Variants in PTPDC1 observed in about 807,000 individuals in gnomAD.
PTPDC1 encodes protein tyrosine phosphatase domain-containing protein 1.
PTPDC1 carries 53 observed loss-of-function variants against 75.3 expected under a neutral mutation model. That is an observed-to-expected ratio of 0.70 (90% CI 0.56 to 0.88). The LOEUF is 0.88. Ranked by LOEUF, PTPDC1 falls within the 40% of genes least tolerant of loss-of-function variation. The pLI is 0.00. For synonymous variants in PTPDC1, 349 were observed against 366.2 expected (o/e 0.95, Z 0.54); for missense variants, 925 against 998.6 (o/e 0.93, Z 0.99).
At chr9:94,045,363 A>T (rs1330633398) in intron 1 of PTPDC1, among the ~76,000 whole-genome samples, 1 of 152,104 alleles carries the variant, frequency 6.6e-6, no homozygotes, top group Admixed American at 6.5e-5. Context: ...ATACCCAGTA[A>T]TGGGATGGCT....
chr9:94,097,804 G>A lies in PTPDC1; in HGVS notation c.1238G>A (p.Arg413Gln), dbSNP rs756453825. ...GCAGTGGCAGCAGATTTTGACAATC[G>A]AGGCATGATTTTCTCCAATGAGCAA... ...PTAVAADFDN[R>Q]GMIFSNEQQF... The change falls in exon 6 of 9, where the codon CGA (arginine) becomes CAA (glutamine). Residue 413 changes from arginine to glutamine, a missense_variant. Coordinates refer to ENST00000620992, the MANE Select transcript of PTPDC1 (RefSeq NM_001253829.2). 1.1e-5 allele frequency: 18 copies of A among 1,614,032 alleles called. No individual in the cohort carries two copies. The highest frequency in any genetic ancestry group is 1.6e-4 in the Middle Eastern group (1 of 6,084).
At chr9:94,045,713 T>C (rs1360513082) in intron 1 of PTPDC1, among the ~76,000 whole-genome samples, 1 of 152,246 alleles carries the variant, frequency 6.6e-6, no homozygotes, top group Non-Finnish European at 1.5e-5. Context: ...CTTATAAATT[T>C]GTTTGAGTTC....
intron 2 of PTPDC1, among the ~76,000 whole-genome samples, chr9:94,070,245 C>T (rs1034829730): frequency 5.9e-5 from 9 of 152,156 alleles, no homozygotes; most frequent in African/African-American, 1.9e-4. Context: ...CTCAGCCGTA[C>T]TTTTCCTAAC....
chr9:94,061,053 T>C lies in PTPDC1; in HGVS notation c.-6-3681T>C, dbSNP rs560536062. On this transcript the variant is annotated intron_variant, in intron 1 of 9. Transcript: ENST00000375360. ...AGACAAGGCTAGTACCTTCCACCTG[T>C]GAGCCTGTAAAATCAAAACCAGATT... 7.9e-5 allele frequency among the ~76,000 whole-genome samples: 12 copies of C among 152,316 alleles called. No individual in the cohort carries two copies. In the South Asian group the frequency reaches 2.5e-3, roughly 32 times the overall value.
At chr9:94,070,806 C>A (rs1464476205) in intron 2 of PTPDC1, among the ~76,000 whole-genome samples, 2 of 152,134 alleles carry the variant, frequency 1.3e-5, no homozygotes, top group Non-Finnish European at 2.9e-5. Flanking sequence ...CAGCCTAATT[C>A]CTTTGAGTTT....
intron 8 of PTPDC1, among the ~76,000 whole-genome samples, 192 bp from the exon 9 acceptor site, chr9:94,107,636 A>G (rs1347262515): frequency 6.6e-6 from 1 of 152,232 alleles, no homozygotes; most frequent in African/African-American, 2.4e-5. Context: ...GTTTTCATTC[A>G]TAAGTTTGAT....
chr9:94,037,611 A>G (rs1825311963), intron 1 of PTPDC1, among the ~76,000 whole-genome samples: 1 of 152,020 alleles, frequency 6.6e-6, no homozygotes, highest in Admixed American at 6.6e-5. Flanking sequence ...TTTTTTCTAG[A>G]ACAGGGACCA....
upstream of PTPDC1, among the ~76,000 whole-genome samples, chr9:94,082,657 C>T (rs1826923414): frequency 6.6e-6 from 1 of 152,168 alleles, no homozygotes; most frequent in Admixed American, 6.5e-5. Flanking sequence ...TTGTTGGGAA[C>T]ACTGAGCAAG....
intron 2 of PTPDC1, among the ~76,000 whole-genome samples, chr9:94,071,537 T>G (rs1231540977): frequency 6.6e-6 from 1 of 152,248 alleles, no homozygotes; most frequent in Non-Finnish European, 1.5e-5. Context: ...ACTTTTGCTG[T>G]CAAGTCTTCA....
chr9:94,097,766 G>A lies in PTPDC1; in HGVS notation c.1200G>A (p.Pro400=), dbSNP rs148734737. The A allele has an allele frequency of 7.4e-5, 119 of 1,613,986 alleles. No homozygotes were observed. The highest frequency in any genetic ancestry group is 1.1e-4 in the African/African-American group (8 of 74,892). Residue 400 remains proline (P), a synonymous_variant, in exon 6 of 9, where the codon CCG becomes CCA. Coordinates refer to ENST00000620992, the MANE Select transcript of PTPDC1 (RefSeq NM_001253829.2). The part of the protein sequence containing the change: ...LLRHDSDVSN[P]PNPTAVAADF... ...GGCATGACAGTGATGTGTCCAACCCGCCTAACCCCACTGCAGTGGCAGCAG... is the reference window on the plus strand; with the variant it reads ...GGCATGACAGTGATGTGTCCAACCCACCTAACCCCACTGCAGTGGCAGCAG...
In PTPDC1 at chr9:94,109,417, T is replaced by C. The variant is rs1004283620; in HGVS notation, c.*1473T>C. On this transcript the variant is annotated 3_prime_UTR_variant, in exon 9 of 9. Coordinates refer to ENST00000620992, the MANE Select transcript of PTPDC1 (RefSeq NM_001253829.2). ...TCATTATCAGTCTCATTAACTGAAA[T>C]GCCAAATGCTAAATGCAGTGTTCTT... 5 of 152,256 alleles carry C rather than the reference T, an allele frequency of 3.3e-5. No homozygotes were observed. The highest frequency in any genetic ancestry group is 1.2e-4 in the African/African-American group (5 of 41,470). 9.4% of individuals were successfully genotyped at this position (152,256 alleles called of 1,614,324 possible).
intron 1 of PTPDC1, chr9:94,038,484 G>A: frequency 3.8e-6 from 1 of 263,302 alleles, no homozygotes; most frequent in Non-Finnish European, 7.2e-6. Context: ...ATTTAAAACT[G>A]ATTTAAGACT....
chr9:94,107,528 T>C (rs898335681), intron 8 of PTPDC1, among the ~76,000 whole-genome samples: 3 of 152,188 alleles, frequency 2.0e-5, no homozygotes, highest in African/African-American at 7.2e-5. Flanking sequence ...CATCAATGAT[T>C]AGTCTCAAAA....
intron 4 of PTPDC1, 70 bp from the exon 5 acceptor site, chr9:94,095,247 T>TCCG: frequency 8.7e-7 from 1 of 1,145,646 alleles, no homozygotes; most frequent in Non-Finnish European, 1.2e-6. Flanking sequence ...ATCTGTGTAC[T>TCCG]TTTCATTAGT....
At chr9:94,073,855 T>C (rs911509885) in intron 2 of PTPDC1, among the ~76,000 whole-genome samples, 7 of 152,354 alleles carry the variant, frequency 4.6e-5, no homozygotes, top group African/African-American at 1.2e-4. Context: ...ATGATTTATT[T>C]ATAAGTTTGA....
chr9:94,096,808 C>T (rs1827587518), intron 5 of PTPDC1, among the ~76,000 whole-genome samples: 1 of 152,050 alleles, frequency 6.6e-6, no homozygotes, highest in African/African-American at 2.4e-5. Flanking sequence ...AAGAAACTGC[C>T]GTGGTAGGGA....
chr9:94,036,204 TTA>T lies in PTPDC1; in HGVS notation c.-7+5079_-7+5080del, dbSNP rs1825266702. Among the ~76,000 whole-genome samples the T allele has an allele frequency of 2.6e-5, 4 of 152,192 alleles. No homozygotes were observed. The South Asian group carries it at 8.3e-4, about 32-fold the overall frequency. On this transcript the variant is annotated intron_variant, in intron 1 of 9. Transcript: ENST00000375360. ...CTTTTTGGTTTGTTGTAGACCTTTTTTATTTTTGCTTTTGTTGACTGCTTTTA... is the reference window on the plus strand; with the variant it reads ...CTTTTTGGTTTGTTGTAGACCTTTTTTTTTTGCTTTTGTTGACTGCTTTTA...
At chr9:94,059,098 A>C (rs373136116) in intron 1 of PTPDC1, among the ~76,000 whole-genome samples, 19 of 152,340 alleles carry the variant, frequency 1.2e-4, no homozygotes, top group African/African-American at 4.3e-4. Flanking sequence ...GTGAAAGAAA[A>C]GATAATCCAT....
intron 8 of PTPDC1, among the ~76,000 whole-genome samples, chr9:94,105,764 C>T (rs1025318375): frequency 5.4e-5 from 8 of 148,494 alleles, no homozygotes; most frequent in African/African-American, 2.0e-4. Context: ...GTCAGGAGAT[C>T]AAGACCATCC....
Sources: allele counts gnomAD v4.1 joint callset (sites outside exome capture counted in the v4.1 genomes callset), GRCh38; gene constraint gnomAD v4.1.1; transcripts MANE v1.5; gene names NCBI Gene and HGNC (gene_info 2026-07-23, HGNC 2026-07-21).